Variants in MTFR1 observed in about 807,000 individuals in gnomAD.
MTFR1 encodes the protein mitochondrial fission regulator 1.
A neutral mutation model predicts 38.8 loss-of-function variants in MTFR1; 28 were observed. The ratio of observed to expected loss-of-function variants is 0.72; its 90% CI spans 0.53 to 0.99. The LOEUF is 0.99. Among genes scored for constraint, MTFR1 ranks in the 50% least tolerant of loss-of-function variants. The pLI, the probability that MTFR1 is intolerant of heterozygous loss-of-function variation, is 0.00. For missense variants in MTFR1, 358 were observed against 395.5 expected, an observed-to-expected ratio of 0.91 and a Z score of 0.81; for synonymous variants, 145 against 137.0, an observed-to-expected ratio of 1.06 and a Z score of -0.41.
At position 65,693,683 on chromosome 8, in the gene MTFR1, G is replaced by C; in HGVS notation, c.205G>C (p.Gly69Arg). 6.2e-7 allele frequency: 1 copy of C among 1,614,184 alleles called. No homozygotes were observed. The change falls in exon 4 of 8, where the codon GGA becomes CGA. Residue 69 changes from glycine (G) to arginine (R), a missense_variant. Physicochemically the swap from Gly to Arg is moderately radical, Grantham distance 125 (BLOSUM62 -2). Coordinates refer to ENST00000262146, the MANE Select transcript of MTFR1 (RefSeq NM_014637.4). ...AACAGAATGGAGTCCCAGCCACCCA[G>C]GAGAGGATGCAGTGGCGTCTTTTGC... ...HATEWSPSHP[G>R]EDAVASFADV... is the part of the protein sequence containing the mutation.
At chr8:65,672,138 G>A (rs534842359) in intron 2 of MTFR1, among the ~76,000 whole-genome samples, 1 of 152,346 alleles carries the variant, frequency 6.6e-6, no homozygotes, top group African/African-American at 2.4e-5. Context: ...AATTACAACT[G>A]AGAGTCCTTC....
At chr8:65,766,689 C>A (rs997824594) in intron 3 of MTFR1, among the ~76,000 whole-genome samples, 3 of 152,192 alleles carry the variant, frequency 2.0e-5, no homozygotes, top group African/African-American at 7.2e-5. Flanking sequence ...CTTTTCCTCC[C>A]AATTTGTTGG....
intron 4 of MTFR1, among the ~76,000 whole-genome samples, chr8:65,700,845 A>G (rs1318206025): frequency 4.6e-5 from 7 of 152,200 alleles, no homozygotes; most frequent in Non-Finnish European, 1.0e-4. Flanking sequence ...CCTTACCCTA[A>G]AACAGTTCTG....
At chr8:65,736,198 G>T (rs1206991909) in intron 3 of MTFR1, among the ~76,000 whole-genome samples, 2 of 152,132 alleles carry the variant, frequency 1.3e-5, no homozygotes, top group East Asian at 3.8e-4. Flanking sequence ...GTAAAATAAG[G>T]GTGACGAACA....
intron 3 of MTFR1, chr8:65,747,537 C>T (rs1278957768): frequency 1.1e-5 from 6 of 569,388 alleles, no homozygotes; most frequent in Non-Finnish European, 1.7e-5. Flanking sequence ...AAAATAGGCT[C>T]AACTGCTTTT....
At position 65,707,857 on chromosome 8, in the gene MTFR1, T is replaced by C; in HGVS notation, c.779T>C (p.Val260Ala). The change falls in exon 7 of 8, where the codon GTG becomes GCG. Residue 260 changes from valine to alanine, a missense_variant. Coordinates refer to ENST00000262146, the MANE Select transcript of MTFR1 (RefSeq NM_014637.4). Reference sequence around the variant, plus strand: ...ACTTCTCTAAGGTCAGAGCAAGATGTGAAGCCCAAGCCAGTGGATGCTACT... The same window carrying C: ...ACTTCTCTAAGGTCAGAGCAAGATGCGAAGCCCAAGCCAGTGGATGCTACT... ...LRSVKRSEQD[V>A]KPKPVDATDP... 1 of 1,614,028 alleles carries C rather than the reference T, an allele frequency of 6.2e-7. No individual in the cohort carries two copies. The highest frequency in any genetic ancestry group is 1.1e-5 in the South Asian group (1 of 91,082).
At chr8:65,753,054 A>C (rs1364703653) in intron 3 of MTFR1, among the ~76,000 whole-genome samples, 1 of 152,084 alleles carries the variant, frequency 6.6e-6, no homozygotes, top group Non-Finnish European at 1.5e-5. Context: ...CTTTATGGTA[A>C]AGCTATTGTT....
intron 4 of MTFR1, among the ~76,000 whole-genome samples, chr8:65,695,970 A>G (rs144747222): frequency 0.013 from 1,918 of 152,198 alleles, 42 homozygotes; most frequent in African/African-American, 0.044. Context: ...CCAACCCATC[A>G]CCCAAAGAGC....
intron 4 of MTFR1, among the ~76,000 whole-genome samples, chr8:65,702,297 C>CT (rs530863447): frequency 0.021 from 2,263 of 110,204 alleles, 38 homozygotes; most frequent in Middle Eastern, 0.032. Flanking sequence ...TTCTTTCTTT[C>CT]TTTTTTTTTT....
At chr8:65,693,509 C>A (rs1385454728) in intron 3 of MTFR1, 135 bp from the exon 4 acceptor site, 3 of 642,208 alleles carry the variant, frequency 4.7e-6, no homozygotes, top group South Asian at 1.9e-5. Context: ...ATCATGGAGA[C>A]CTTCAGTGGA....
chr8:65,648,054 C>G (rs905156859), intron 1 of MTFR1, among the ~76,000 whole-genome samples: 1 of 152,080 alleles, frequency 6.6e-6, no homozygotes, highest in African/African-American at 2.4e-5. Context: ...CTCTGTCACC[C>G]AGACTGGAGT....
chr8:65,756,176 C>G (rs1056254419), intron 3 of MTFR1, among the ~76,000 whole-genome samples: 5 of 152,184 alleles, frequency 3.3e-5, no homozygotes, highest in African/African-American at 4.8e-5. Flanking sequence ...TTGCTTCTCT[C>G]TTGCTGATTT....
At chr8:65,736,199 G>T (rs1807121404) in intron 3 of MTFR1, among the ~76,000 whole-genome samples, 1 of 152,118 alleles carries the variant, frequency 6.6e-6, no homozygotes, top group Admixed American at 6.5e-5. Context: ...TAAAATAAGG[G>T]TGACGAACAC....
chr8:65,696,647 A>G (rs1045365849), intron 4 of MTFR1, among the ~76,000 whole-genome samples: 1 of 152,120 alleles, frequency 6.6e-6, no homozygotes, highest in Admixed American at 6.6e-5. Flanking sequence ...ACATTGAATC[A>G]TGTAATATGT....
chr8:65,704,288 G>C (rs1162678249), intron 4 of MTFR1, among the ~76,000 whole-genome samples: 1 of 152,102 alleles, frequency 6.6e-6, no homozygotes, highest in African/African-American at 2.4e-5. Flanking sequence ...AAAGCAAAAA[G>C]ATAAAAATTC....
chr8:65,694,352 G>C (rs1162297682), intron 4 of MTFR1, among the ~76,000 whole-genome samples: 2 of 152,102 alleles, frequency 1.3e-5, no homozygotes, highest in Non-Finnish European at 2.9e-5. Context: ...TGGGATTACA[G>C]ACGTGAGCCA....
In MTFR1 at chr8:65,718,909, C is replaced by A. The variant is rs896207557; in HGVS notation, c.382-471C>A. The A allele has an allele frequency of 1.2e-5, 3 of 250,666 alleles. No homozygotes were observed. The South Asian group carries it at 1.8e-4, about 15-fold the overall frequency. The allele number at this position is 250,666 out of a possible 1,614,324, so 15.5% of individuals were successfully genotyped here. A position where few individuals can be genotyped will look rare whatever the true frequency, so the allele number is the denominator to read the frequency against. On this transcript the variant is annotated intron_variant, in intron 2 of 3. Transcript: ENST00000521247. ...AACTTAGTGGAAGGTACAAGATACA[C>A]ATTGTTGCATCAGACTGGTTAAATT...
intron 1 of MTFR1, among the ~76,000 whole-genome samples, chr8:65,656,453 C>G (rs2129048211): frequency 6.6e-6 from 1 of 151,818 alleles, no homozygotes; most frequent in Admixed American, 6.6e-5. Flanking sequence ...TATGCCTCAG[C>G]CTCCTGAGTC....
At chr8:65,644,723 A>G (rs1272501009), upstream of MTFR1, 1 of 152,344 alleles carries the variant, frequency 6.6e-6, no homozygotes, top group Non-Finnish European at 1.5e-5. Context: ...CAGCAACGCC[A>G]CGGGACAGCC....
Sources: allele counts gnomAD v4.1 joint callset (sites outside exome capture counted in the v4.1 genomes callset), GRCh38; gene constraint gnomAD v4.1.1; transcripts MANE v1.5; gene names NCBI Gene and HGNC (gene_info 2026-07-23, HGNC 2026-07-21).